The following CDH23 variants were observed in gnomAD, a reference collection of about 807,000 sequenced individuals.
The protein encoded by CDH23 is cadherin related 23.
CDH23 carries 189 observed loss-of-function variants against 317.1 expected under a neutral mutation model. The ratio of observed to expected loss-of-function variants is 0.60; its 90% CI spans 0.53 to 0.67. The LOEUF (loss-of-function observed/expected upper bound fraction) is 0.67. CDH23 is among the 30% of genes least tolerant of loss of function. The pLI is 0.00. For missense variants in CDH23, 4,401 were observed against 4,592.4 expected, an observed-to-expected ratio of 0.96 and a Z score of 1.20; for synonymous variants, 1,839 against 1,876.8, an observed-to-expected ratio of 0.98 and a Z score of 0.52.
At chr10:71,686,775 A>C (rs761565752) in intron 18 of CDH23, among the ~76,000 whole-genome samples, 2 of 152,154 alleles carry the variant, frequency 1.3e-5, no homozygotes, top group Non-Finnish European at 2.9e-5. Context: ...TCATGAGCCA[A>C]GTGGGCTGGG....
At chr10:71,690,281 G>T (rs187514962) in intron 19 of CDH23, among the ~76,000 whole-genome samples, 187 bp from the exon 20 acceptor site, 71 of 152,226 alleles carry the variant, frequency 4.7e-4, no homozygotes, top group Admixed American at 1.3e-3. Context: ...CAAGAGCAAC[G>T]ATTGAGCCGC....
In CDH23 at chr10:71,709,226, C is replaced by G. The variant is rs79267977; in HGVS notation, c.3220+15C>G. ...GGAGGCCATCGGTATGCACCAGTCCCGCACCCACCAACACAGTGATCTGGG... is the reference window on the plus strand; with the variant it reads ...GGAGGCCATCGGTATGCACCAGTCCGGCACCCACCAACACAGTGATCTGGG... On this transcript the variant is annotated intron_variant, in intron 27 of 69. Transcript: ENST00000224721. 6.2e-7 allele frequency: 1 copy of G among 1,603,660 alleles called. No individual in the cohort carries two copies. The highest frequency in any genetic ancestry group is 2.2e-5 in the East Asian group (1 of 44,748).
intron 14 of CDH23, among the ~76,000 whole-genome samples, chr10:71,657,494 G>C (rs1863466744): frequency 1.3e-5 from 2 of 152,212 alleles, no homozygotes; most frequent in South Asian, 2.1e-4. Context: ...ATTGTATAAA[G>C]CTGATGACAA....
chr10:71,659,888 C>G (rs568630221), intron 14 of CDH23, among the ~76,000 whole-genome samples: 4 of 151,774 alleles, frequency 2.6e-5, no homozygotes, highest in Non-Finnish European at 5.9e-5. Context: ...ATAAAGACCG[C>G]GTCCTCCAGA....
At chr10:71,713,178 C>T (rs763114526) in intron 28 of CDH23, 1 of 779,386 alleles carries the variant, frequency 1.3e-6, no homozygotes, top group Non-Finnish European at 2.4e-6. Flanking sequence ...CAGCAAGGCC[C>T]AGAACAGAGC....
At chr10:71,798,960 C>T (rs574092959) in intron 50 of CDH23, 151 bp from the exon 51 acceptor site, 71 of 677,400 alleles carry the variant, frequency 1.0e-4, no homozygotes, top group South Asian at 2.0e-4. Context: ...CCCTCCCTGC[C>T]GTGTGCCCTG....
intron 3 of CDH23, among the ~76,000 whole-genome samples, chr10:71,484,915 A>G (rs1385992146): frequency 6.6e-6 from 1 of 152,024 alleles, no homozygotes; most frequent in African/African-American, 2.4e-5. Context: ...GTACACACTA[A>G]AGGGCTGTGT....
chr10:71,762,063 T>A (rs377043136), intron 38 of CDH23: 5 of 1,553,974 alleles, frequency 3.2e-6, no homozygotes, highest in Middle Eastern at 1.7e-4. Flanking sequence ...ACCTGACTGA[T>A]CCAGTGCTAC....
intron 3 of CDH23, among the ~76,000 whole-genome samples, chr10:71,453,211 C>T (rs1376801261): frequency 2.0e-5 from 3 of 152,338 alleles, no homozygotes; most frequent in African/African-American, 4.8e-5. Flanking sequence ...GGTGGGAACC[C>T]GGGATTCATT....
chr10:71,441,112 G>C (rs757905928), intron 2 of CDH23, among the ~76,000 whole-genome samples: 1 of 152,174 alleles, frequency 6.6e-6, no homozygotes, highest in African/African-American at 2.4e-5. Flanking sequence ...GGAGCCTCAG[G>C]CGCTTTTTTA....
intron 22 of CDH23, among the ~76,000 whole-genome samples, chr10:71,701,570 A>T (rs1320352952): frequency 6.6e-6 from 1 of 151,924 alleles, no homozygotes; most frequent in East Asian, 1.9e-4. Flanking sequence ...CCTCCCTTCC[A>T]GGGAGCTCCA....
At position 71,731,975 on chromosome 10, in the gene CDH23, GTCC is replaced by G. The variant is rs781153790; in HGVS notation, c.3716-7_3716-5del. 3.1e-6 allele frequency: 5 copies of G among 1,611,630 alleles called. No individual in the cohort carries two copies. In the South Asian group the frequency reaches 3.3e-5, roughly 11 times the overall value. ...CTATCTGGGACTGCACAGCCTCTGT[GTCC>G]TCCTACAGGGGATGGTGGCCTGGTG... On this transcript the variant is annotated splice_polypyrimidine_tract_variant and intron_variant, in intron 31 of 69. Coordinates refer to ENST00000224721, the MANE Select transcript of CDH23 (RefSeq NM_022124.6).
chr10:71,448,315 T>G (rs1016169444), intron 3 of CDH23, among the ~76,000 whole-genome samples: 3 of 152,232 alleles, frequency 2.0e-5, no homozygotes, highest in African/African-American at 7.2e-5. Flanking sequence ...CTCTTGATTG[T>G]CTTTTGCAAA....
intron 7 of CDH23, among the ~76,000 whole-genome samples, chr10:71,568,621 C>T (rs1292919280): frequency 1.3e-5 from 2 of 152,164 alleles, no homozygotes; most frequent in Non-Finnish European, 2.9e-5. Context: ...TCCCTTGCTT[C>T]TGGAGGAGCT....
rs1839745979 is a variant in CDH23, at chr10:71,741,905, G to T, written c.4829G>T (p.Gly1610Val). 3.1e-6 allele frequency: 5 copies of T among 1,603,432 alleles called. No homozygotes were observed. The highest frequency in any genetic ancestry group is 1.1e-5 in the South Asian group (1 of 89,262). The stretch of plus-strand genomic sequence containing the variant: ...CTGGTGGCCACTGTGGAGGACGAGG[G>T]CACCCCAACCCTGTCGGTGAGCGAT... ...YHLVATVEDE[G>V]TPTLSATTHV... The change falls in exon 38 of 70, where the codon GGC becomes GTC. Residue 1610 changes from glycine to valine, a missense_variant. Transcript: ENST00000224721.
chr10:71,642,504 T>C (rs1862604214), intron 11 of CDH23, among the ~76,000 whole-genome samples: 1 of 146,326 alleles, frequency 6.8e-6, no homozygotes, highest in African/African-American at 2.5e-5. Flanking sequence ...CTTCAAGCAA[T>C]TCTCCTGTCT....
intron 38 of CDH23, chr10:71,752,846 C>T: frequency 8.9e-7 from 1 of 1,122,308 alleles, no homozygotes; most frequent in Non-Finnish European, 1.3e-6. Flanking sequence ...CAGGCTTCAG[C>T]AGCAGATGGC....
chr10:71,702,759 C>G, intron 24 of CDH23, 65 bp downstream of exon 24: 1 of 1,593,250 alleles, frequency 6.3e-7, no homozygotes, highest in South Asian at 1.1e-5. Context: ...AGGAGCCTAG[C>G]CCAGGCTGAA....
At chr10:71,808,557 G>C (rs538631409) in intron 60 of CDH23, among the ~76,000 whole-genome samples, 1 of 152,338 alleles carries the variant, frequency 6.6e-6, no homozygotes, top group South Asian at 2.1e-4. Flanking sequence ...GTGCATGTTT[G>C]CTTGTGCACT....
Sources: gnomAD v4.1 joint callset for allele counts (sites outside exome capture counted in the v4.1 genomes callset) on GRCh38, gnomAD v4.1.1 for gene constraint, MANE v1.5 for transcripts, NCBI Gene and HGNC (gene_info 2026-07-23, HGNC 2026-07-21) for gene names.